The following RECQL variants were observed in gnomAD, a reference collection of about 807,000 sequenced individuals.
The protein encoded by RECQL is ATP-dependent DNA helicase Q1.
In RECQL, 73 loss-of-function variants were observed where a neutral mutation model predicts 75.8. The observed-to-expected ratio is 0.96, with a 90% CI of 0.80 to 1.17. RECQL has a LOEUF of 1.17. RECQL is among the 50% of genes most tolerant of loss of function. The probability of loss-of-function intolerance (pLI) is 0.00; values close to 1 mark genes in which losing one functional copy is unlikely to be tolerated. For synonymous variants in RECQL, 248 were observed against 254.4 expected, an observed-to-expected ratio of 0.97 and a Z score of 0.24; for missense variants, 699 against 772.1, an observed-to-expected ratio of 0.91 and a Z score of 1.12.
intron 2 of RECQL, among the ~76,000 whole-genome samples, chr12:21,496,742 C>T (rs757238124): frequency 6.6e-6 from 1 of 152,190 alleles, no homozygotes; most frequent in Non-Finnish European, 1.5e-5. Context: ...TATCTGGCCC[C>T]TCCTATTACT....
chr12:21,475,755 T>C lies in RECQL; in HGVS notation c.1019A>G (p.His340Arg). 1 of 1,613,298 alleles carries C rather than the reference T, an allele frequency of 6.2e-7. No individual in the cohort carries two copies. Among genetic ancestry groups the C allele is most frequent in the Non-Finnish European group, 8.5e-7 (1 of 1,179,388 alleles). Residue 340 changes from histidine (H) to arginine (R), a missense_variant, in exon 9 of 15, where the codon CAT becomes CGT. Around this residue, in one of 2 missense-constraint regions of RECQL, gnomAD observed 669 missense variants for 713.5 expected, o/e 0.94. Transcript: ENST00000444129. ...VTVSLQNLGIHAGAYHANLEP... is the reference protein window; with the variant it reads ...VTVSLQNLGIRAGAYHANLEP... Reference sequence around the variant, plus strand: ...CAAATTGGCATGGTAAGCACCTGCATGAATTCCCAGATTCTGCAAACTAAC... The same window carrying C: ...CAAATTGGCATGGTAAGCACCTGCACGAATTCCCAGATTCTGCAAACTAAC...
intron 2 of RECQL, among the ~76,000 whole-genome samples, chr12:21,494,785 C>T (rs1213405693): frequency 6.6e-6 from 1 of 152,196 alleles, no homozygotes; most frequent in Non-Finnish European, 1.5e-5. Context: ...ATCAGCGGAG[C>T]TCTTCAGGGA....
chr12:21,494,107 G>A (rs967706047), intron 2 of RECQL, among the ~76,000 whole-genome samples: 2 of 152,152 alleles, frequency 1.3e-5, no homozygotes, highest in African/African-American at 4.8e-5. Flanking sequence ...AGGGGGGCAG[G>A]TGTGTCACAC....
At chr12:21,488,448 C>A (rs1943347281) in intron 4 of RECQL, among the ~76,000 whole-genome samples, 1 of 152,168 alleles carries the variant, frequency 6.6e-6, no homozygotes, top group Non-Finnish European at 1.5e-5. Context: ...CAGTGGCCAT[C>A]TCCACACTAA....
chr12:21,493,045 T>C (rs1440283305), intron 2 of RECQL, among the ~76,000 whole-genome samples: 3 of 152,126 alleles, frequency 2.0e-5, no homozygotes, highest in African/African-American at 7.2e-5. Flanking sequence ...TAAGTTTTAA[T>C]CCCCATAATA....
At chr12:21,488,304 T>C (rs1943344206) in intron 4 of RECQL, among the ~76,000 whole-genome samples, 1 of 152,206 alleles carries the variant, frequency 6.6e-6, no homozygotes, top group African/African-American at 2.4e-5. Context: ...CTGGTTATCC[T>C]ATATGTTGCT....
chr12:21,493,904 T>C (rs1030860124), intron 2 of RECQL, among the ~76,000 whole-genome samples: 2 of 152,230 alleles, frequency 1.3e-5, no homozygotes, highest in African/African-American at 4.8e-5. Flanking sequence ...AAGAGCTGCA[T>C]GTGCCAAAAT....
rs1444036570 is a variant in RECQL at position 21,491,717 on chromosome 12, C to T, written c.17-1G>A. 1 of 1,606,774 alleles carries T rather than the reference C, an allele frequency of 6.2e-7. No homozygotes were observed. Among genetic ancestry groups the T allele is most frequent in the African/African-American group, 1.3e-5 (1 of 74,266 alleles). ...ATAGAATCCAGTTCCTCAGTTAGAG[C>T]TATGGGAGGCAGCGCGGATACAATG... On this transcript the variant is annotated splice_acceptor_variant, in intron 2 of 14. Transcript: ENST00000444129. LOFTEE classifies it high-confidence loss of function.
intron 2 of RECQL, among the ~76,000 whole-genome samples, chr12:21,495,593 CA>C (rs1321790382): frequency 1.2e-4 from 17 of 143,262 alleles, no homozygotes; most frequent in Non-Finnish European, 9.2e-5. Context: ...AGACTCCGTC[CA>C]AAAAAAAAAG....
intron 6 of RECQL, among the ~76,000 whole-genome samples, chr12:21,479,018 C>T (rs1323800376): frequency 6.6e-6 from 1 of 152,116 alleles, no homozygotes; most frequent in East Asian, 1.9e-4. Flanking sequence ...TTAGGGGTCC[C>T]CTTTGCCACT....
At chr12:21,475,412 T>C in intron 10 of RECQL, 56 bp downstream of exon 10, 4 of 998,122 alleles carry the variant, frequency 4.0e-6, no homozygotes, top group Admixed American at 2.0e-5. Context: ...GCATTTATCA[T>C]GTATTTTTTG....
At chr12:21,488,103 A>G (rs919643766) in intron 4 of RECQL, among the ~76,000 whole-genome samples, 2 of 152,126 alleles carry the variant, frequency 1.3e-5, no homozygotes, top group Non-Finnish European at 2.9e-5. Context: ...GCTTCAAACC[A>G]TTGCTATTTG....
chr12:21,473,556 T>A lies in RECQL; in HGVS notation c.1442A>T (p.Asp481Val). The change falls in exon 12 of 15, where the codon GAC becomes GTC. Residue 481 changes from aspartate to valine, a missense_variant. Asp to Val is a radical substitution (Grantham distance 152, BLOSUM62 -3). Coordinates refer to ENST00000444129, the MANE Select transcript of RECQL (RefSeq NM_002907.4). ...TTACAAAACAACAAACTCACCACTGTCTTTACAGCAGTTATCGCACATTTT... is the reference window on the plus strand; with the variant it reads ...TTACAAAACAACAAACTCACCACTGACTTTACAGCAGTTATCGCACATTTT... ...CNKMCDNCCK[D>V]SAFERKNITE... The A allele has an allele frequency of 1.9e-6, 3 of 1,611,534 alleles. No individual in the cohort carries two copies. The highest frequency in any genetic ancestry group is 2.5e-6 in the Non-Finnish European group (3 of 1,178,132).
chr12:21,477,999 C>A (rs1227956528), intron 6 of RECQL, 30 bp from the exon 7 acceptor site: 3 of 1,583,234 alleles, frequency 1.9e-6, no homozygotes, highest in Non-Finnish European at 2.6e-6. Flanking sequence ...GGCCCTTTTT[C>A]TATCCTTTAA....
At position 21,501,601 on chromosome 12, in the gene RECQL, T is replaced by G; in HGVS notation, c.-477A>C. 2.8e-6 allele frequency: 1 copy of G among 355,652 alleles called. No individual in the cohort carries two copies. Among genetic ancestry groups the G allele is most frequent in the Non-Finnish European group, 5.2e-6 (1 of 191,096 alleles). 22.0% of individuals were successfully genotyped at this position (355,652 alleles called of 1,614,324 possible). ...AGCAGATCTTTCCGCTACTCGGGAG[T>G]AAAATCTTCCCGCCAGCCAGCTGAG... is the stretch of plus-strand genomic sequence containing the variant. On this transcript the variant is annotated 5_prime_UTR_variant, in exon 1 of 15. Transcript: ENST00000444129.
rs1354693742 is a variant in RECQL, at chr12:21,471,066, A to G, written c.1700T>C (p.Ile567Thr). ...EDYSFTAYAT[I>T]SYLKIGPKAN... ...TTTAGGTCCTATTTTCAAATACGAA[A>G]TGGTAGCATAAGCTGTAAAACTGTA... Residue 567 changes from isoleucine to threonine, a missense_variant, in exon 14 of 15, where the codon ATT becomes ACT. Around this residue, in one of 2 missense-constraint regions of RECQL, gnomAD observed 669 missense variants for 713.5 expected, o/e 0.94. Transcript: ENST00000444129. The G allele has an allele frequency of 6.2e-7, 1 of 1,601,550 alleles. No homozygotes were observed.
At chr12:21,491,769 G>A (rs1196593531) in intron 2 of RECQL, 53 bp from the exon 3 acceptor site, 29 of 1,478,884 alleles carry the variant, frequency 2.0e-5, no homozygotes, top group Non-Finnish European at 2.5e-5. Flanking sequence ...TACAACTTTA[G>A]GTTTCCAGAT....
At chr12:21,478,428 A>C (rs1943128294) in intron 6 of RECQL, among the ~76,000 whole-genome samples, 1 of 152,192 alleles carries the variant, frequency 6.6e-6, no homozygotes, top group Admixed American at 6.5e-5. Flanking sequence ...TGTGGTAGAA[A>C]TTGCTTACAT....
At chr12:21,478,816 G>A (rs982379360) in intron 6 of RECQL, among the ~76,000 whole-genome samples, 2 of 152,152 alleles carry the variant, frequency 1.3e-5, no homozygotes, top group African/African-American at 4.8e-5. Context: ...ACTCCTTCAA[G>A]GTCTTTACAC....
Sources: allele counts gnomAD v4.1 joint callset (sites outside exome capture counted in the v4.1 genomes callset), GRCh38; gene constraint gnomAD v4.1.1; regional missense constraint gnomAD v4.1.1; transcripts MANE v1.5; gene names NCBI Gene and HGNC (gene_info 2026-07-23, HGNC 2026-07-21).